The following NHSL2 variants were observed in gnomAD, a reference collection of about 807,000 sequenced individuals.
NHSL2 encodes NHS-like protein 2.
Under a neutral mutation model 53.4 loss-of-function variants are expected in NHSL2, and 27 were observed. The observed-to-expected ratio is 0.51, with a 90% CI of 0.37 to 0.70. NHSL2 has a LOEUF of 0.70. Among genes scored for constraint, NHSL2 ranks in the 30% least tolerant of loss-of-function variants. The pLI is 0.00. For missense variants in NHSL2, 892 were observed against 980.1 expected (o/e 0.91, Z 1.20); for synonymous variants, 408 against 404.1 (o/e 1.01, Z -0.12).
intron 1 of NHSL2, among the ~76,000 whole-genome samples, chrX:71,935,690 A>C (rs1179218642): frequency 8.9e-6 from 1 of 112,139 alleles, no homozygotes; most frequent in Non-Finnish European, 1.9e-5. Flanking sequence ...TGGTTGCCAA[A>C]CTTTCTCTCA....
At chrX:71,943,405 T>A (rs2041778017) in intron 1 of NHSL2, among the ~76,000 whole-genome samples, 1 of 112,797 alleles carries the variant, frequency 8.9e-6, no homozygotes, top group African/African-American at 3.2e-5. Context: ...TATCAGATCA[T>A]GGCCAGACTC....
intron 1 of NHSL2, among the ~76,000 whole-genome samples, chrX:72,050,106 G>T (rs893002585): frequency 5.5e-5 from 6 of 109,115 alleles, no homozygotes; most frequent in African/African-American, 2.0e-4. Flanking sequence ...TAGACACCCT[G>T]CAGGGATGAA....
intron 1 of NHSL2, among the ~76,000 whole-genome samples, chrX:72,099,517 C>A (rs1652299375): frequency 2.7e-5 from 3 of 109,415 alleles, no homozygotes. Context: ...AGGCCCCCAC[C>A]ACCACACCTG....
intron 1 of NHSL2, among the ~76,000 whole-genome samples, chrX:71,919,304 T>C (rs1439637593): frequency 1.8e-5 from 2 of 111,964 alleles, no homozygotes; most frequent in African/African-American, 3.2e-5. Context: ...GTTCCTCATC[T>C]GTAAAATGGG....
At chrX:72,134,287 A>G in intron 3 of NHSL2, 69 bp downstream of exon 3, 2 of 1,059,738 alleles carry the variant, frequency 1.9e-6, no homozygotes, top group East Asian at 3.3e-5. Flanking sequence ...CCAGCTGCTT[A>G]CTTTACCCAC....
At chrX:72,055,277 C>A (rs774861325) in intron 1 of NHSL2, among the ~76,000 whole-genome samples, 1 of 112,247 alleles carries the variant, frequency 8.9e-6, no homozygotes, top group African/African-American at 3.2e-5. Flanking sequence ...ACCGCCAGGC[C>A]GGGCTTGCTG....
At chrX:72,048,070 G>GATGATAATAATA (rs754551330) in intron 1 of NHSL2, among the ~76,000 whole-genome samples, 3 of 101,793 alleles carry the variant, frequency 2.9e-5, no homozygotes, top group African/African-American at 1.1e-4. Flanking sequence ...CACTCATGAT[G>GATGATAATAATA]ATAACAATAA....
intron 1 of NHSL2, among the ~76,000 whole-genome samples, chrX:72,020,502 C>G (rs2042155000): frequency 8.9e-6 from 1 of 112,706 alleles, no homozygotes; most frequent in African/African-American, 3.2e-5. Flanking sequence ...CACTATATGG[C>G]CTCTTCTTCC....
intron 1 of NHSL2, among the ~76,000 whole-genome samples, chrX:72,126,689 T>C (rs1382985350): frequency 9.0e-6 from 1 of 111,659 alleles, no homozygotes; most frequent in African/African-American, 3.3e-5. Context: ...GGAGGGCCTC[T>C]TACATGGACT....
intron 1 of NHSL2, among the ~76,000 whole-genome samples, chrX:72,112,434 A>G (rs1433392349): frequency 1.8e-5 from 2 of 112,135 alleles, no homozygotes; most frequent in African/African-American, 6.5e-5. Flanking sequence ...AACTGTCACC[A>G]TTTAATTCCA....
At chrX:71,964,023 A>ATG (rs750722492) in intron 1 of NHSL2, among the ~76,000 whole-genome samples, 2,444 of 26,724 alleles carry the variant, frequency 0.091, 341 homozygotes, top group African/African-American at 0.3. Context: ...ATATATATAT[A>ATG]TGTGTATATA....
intron 1 of NHSL2, among the ~76,000 whole-genome samples, chrX:71,996,926 C>T (rs980022448): frequency 1.6e-4 from 18 of 112,482 alleles, no homozygotes; most frequent in African/African-American, 5.2e-4. Flanking sequence ...GGCGCCTTCC[C>T]GTCTTGCCCT....
intron 1 of NHSL2, chrX:72,129,652 C>T: frequency 2.1e-6 from 1 of 469,817 alleles, no homozygotes; most frequent in Non-Finnish European, 3.5e-6. Context: ...TGGTTGGGCA[C>T]ACGTCGCTCT....
rs1268448268 is a variant in NHSL2 at position 72,148,928 on chromosome X, C to T, written c.*5354C>T. On this transcript the variant is annotated 3_prime_UTR_variant, in exon 8 of 8. Coordinates refer to ENST00000633930, the MANE Select transcript of NHSL2 (RefSeq NM_001013627.3). ...CCTTCAAGCCCCTGAATCACTATAG[C>T]CACGACTCTCCAACTGATTCCAACC... 3.8e-5 allele frequency: 4 copies of T among 105,972 alleles called. No individual in the cohort carries two copies. The highest frequency in any genetic ancestry group is 5.8e-5 in the Non-Finnish European group (3 of 51,620). The allele number at this position is 105,972 out of a possible 1,213,427, so 8.7% of individuals were successfully genotyped here.
At position 72,143,876 on chromosome X, in the gene NHSL2, A is replaced by G; in HGVS notation, c.*302A>G. ...AAGAAATTTTCAGATGTCAGGGCAC[A>G]TGTGCCACTTTTTCAATTCAGTGAC... On this transcript the variant is annotated 3_prime_UTR_variant, in exon 8 of 8. Coordinates refer to ENST00000633930, the MANE Select transcript of NHSL2 (RefSeq NM_001013627.3). 1 of 171,548 alleles carries G rather than the reference A, an allele frequency of 5.8e-6. No individual in the cohort carries two copies. The highest frequency in any genetic ancestry group is 1.1e-5 in the Non-Finnish European group (1 of 91,179). 14.1% of individuals were successfully genotyped at this position (171,548 alleles called of 1,213,427 possible).
At chrX:72,062,207 A>C (rs751494681) in intron 1 of NHSL2, among the ~76,000 whole-genome samples, 1 of 112,237 alleles carries the variant, frequency 8.9e-6, no homozygotes, top group Non-Finnish European at 1.9e-5. Flanking sequence ...ATCTGGTTGT[A>C]AGGCAGAGGG....
intron 1 of NHSL2, among the ~76,000 whole-genome samples, chrX:72,029,271 A>G (rs2147908458): frequency 9.0e-6 from 1 of 110,831 alleles, no homozygotes; most frequent in African/African-American, 3.3e-5. Flanking sequence ...CTCTGCTCTC[A>G]CCCTGCTCAA....
intron 1 of NHSL2, among the ~76,000 whole-genome samples, chrX:71,974,619 G>T (rs1209323224): frequency 1.8e-5 from 2 of 111,664 alleles, no homozygotes; most frequent in Non-Finnish European, 3.8e-5. Context: ...GTAAATATTG[G>T]CAAGAGCACG....
intron 1 of NHSL2, among the ~76,000 whole-genome samples, chrX:72,108,883 C>T (rs1004479959): frequency 9.0e-6 from 1 of 111,425 alleles, no homozygotes; most frequent in African/African-American, 3.3e-5. Flanking sequence ...GAGCATCAAA[C>T]CCCAATTCCT....
Sources: gnomAD v4.1 joint callset for allele counts (sites outside exome capture counted in the v4.1 genomes callset) on GRCh38, gnomAD v4.1.1 for gene constraint, MANE v1.5 for transcripts, NCBI Gene and HGNC (gene_info 2026-07-23, HGNC 2026-07-21) for gene names.